FAT1: variants seen among roughly 807,000 people sequenced by gnomAD.
The protein encoded by FAT1 is FAT atypical cadherin 1, also known as protocadherin Fat 1.
Under a neutral mutation model 329.8 loss-of-function variants are expected in FAT1, and 171 were observed. The observed-to-expected ratio is 0.52, with a 90% CI of 0.46 to 0.59. FAT1 has a LOEUF of 0.59. Among genes scored for constraint, FAT1 ranks in the 20% least tolerant of loss-of-function variants. FAT1 has a pLI of 0.00. For synonymous variants in FAT1, 2,233 were observed against 2,228.6 expected (o/e 1.00, Z -0.06); for missense variants, 5,672 against 5,774.4 (o/e 0.98, Z 0.57).
At chr4:186,654,240 C>G (rs1015183159) in intron 3 of FAT1, among the ~76,000 whole-genome samples, 1 of 152,134 alleles carries the variant, frequency 6.6e-6, no homozygotes, top group African/African-American at 2.4e-5. Flanking sequence ...CTGTAGTCAC[C>G]ATCTCACAGG....
chr4:186,701,405 A>G (rs995724472), intron 2 of FAT1, among the ~76,000 whole-genome samples: 27 of 152,146 alleles, frequency 1.8e-4, no homozygotes, highest in African/African-American at 6.3e-4. Context: ...TTTTCTCTTA[A>G]GCTTTCCTAG....
rs1366348482 is a variant in FAT1 at position 186,596,633 on chromosome 4, T to A, written c.12907A>T (p.Ser4303Cys). The change falls in exon 25 of 27, where the codon AGC (serine) becomes TGC (cysteine). Residue 4303 changes from serine (S) to cysteine (C), a missense_variant. Ser to Cys is a moderately radical substitution (Grantham distance 112, BLOSUM62 -1). Coordinates refer to ENST00000441802, the MANE Select transcript of FAT1 (RefSeq NM_005245.4). This position sits in a 1 kb window ranked among gnomAD's most constrained non-coding sequence, Gnocchi z 4.7. ...HGHRKAVAVC[S>C]VAPNLPPPPP... ...GGGGGAGGCAGGTTTGGCGCCACGC[T>A]GCAGACCGCCACTGCTTTTCGGTGC... The A allele has an allele frequency of 6.2e-7, 1 of 1,610,728 alleles. No homozygotes were observed.
At chr4:186,651,112 TTAA>T (rs1439239841) in intron 3 of FAT1, among the ~76,000 whole-genome samples, 8 of 148,066 alleles carry the variant, frequency 5.4e-5, no homozygotes, top group South Asian at 2.1e-4. Flanking sequence ...TATTCATAAA[TTAA>T]TAATTAACAA....
chr4:186,721,501 C>T (rs1008990787), intron 1 of FAT1, among the ~76,000 whole-genome samples: 7 of 152,360 alleles, frequency 4.6e-5, no homozygotes, highest in Admixed American at 1.3e-4. Flanking sequence ...AATTATCTAG[C>T]GCAAATCCCA....
chr4:186,626,961 A>G (rs1485893227), intron 9 of FAT1, among the ~76,000 whole-genome samples: 1 of 100,976 alleles, frequency 9.9e-6, no homozygotes, highest in Non-Finnish European at 1.9e-5. Flanking sequence ...TGAATGAATG[A>G]GGGACCAACA....
At chr4:186,722,154 T>C (rs1745496102) in intron 1 of FAT1, among the ~76,000 whole-genome samples, 1 of 152,208 alleles carries the variant, frequency 6.6e-6, no homozygotes, top group African/African-American at 2.4e-5. Context: ...TTTAAACATT[T>C]TTCTGTTGGC....
At position 186,588,634 on chromosome 4, in the gene FAT1, C is replaced by T. The variant is rs1257195041; in HGVS notation, c.13725G>A (p.Val4575=). The change falls in exon 27 of 27, where the codon GTG becomes GTA. Residue 4575 remains valine, a synonymous_variant. Transcript: ENST00000441802. ...GCTGGGAATCCAGGGGCGGGATCGT[C>T]ACCTCTTCGAAGTGGCCGTCGTCCC... The part of the protein sequence containing the change: ...ESGDDGHFEE[V]TIPPLDSQQH... The T allele has an allele frequency of 6.2e-7, 1 of 1,613,706 alleles. No homozygotes were observed. The highest frequency in any genetic ancestry group is 1.7e-5 in the Admixed American group (1 of 60,020).
At chr4:186,676,616 G>A (rs1742968808) in intron 2 of FAT1, among the ~76,000 whole-genome samples, 1 of 152,192 alleles carries the variant, frequency 6.6e-6, no homozygotes, top group African/African-American at 2.4e-5. Context: ...TGATTAAAAT[G>A]TCAGTTGAAA....
chr4:186,706,413 C>T, intron 2 of FAT1, 150 bp downstream of exon 2: 1 of 770,570 alleles, frequency 1.3e-6, no homozygotes, highest in Non-Finnish European at 2.1e-6. Context: ...TACAATACAG[C>T]AGCCGGGCCA....
chr4:186,642,607 G>A (rs1741154504), intron 3 of FAT1, among the ~76,000 whole-genome samples: 1 of 152,212 alleles, frequency 6.6e-6, no homozygotes, highest in African/African-American at 2.4e-5. Context: ...TTTATAGGCA[G>A]CGTGTGCCAG....
In FAT1 at chr4:186,619,606, C is replaced by T. The variant is rs1162417164; in HGVS notation, c.6980G>A (p.Ser2327Asn). 1 of 1,613,928 alleles carries T rather than the reference C, an allele frequency of 6.2e-7. No homozygotes were observed. The change falls in exon 10 of 27, where the codon AGC (serine) becomes AAC (asparagine). Residue 2327 changes from serine (S) to asparagine (N), a missense_variant. Physicochemically the swap from Ser to Asn is conservative, Grantham distance 46. Around this residue, in one of 2 missense-constraint regions of FAT1, gnomAD observed 3,966 missense variants for 3,915.2 expected, o/e 1.01. Transcript: ENST00000441802. ...TACATGAAAATGATCATGACTCTTG[C>T]TGTGATTCCCAAACATCTGGTATGA... ...GISYQMFGNH[S>N]KSHDHFHVDS...
At chr4:186,667,808 G>A (rs1488065062) in intron 2 of FAT1, among the ~76,000 whole-genome samples, 1 of 152,214 alleles carries the variant, frequency 6.6e-6, no homozygotes, top group African/African-American at 2.4e-5. Flanking sequence ...TTAAGCCCTG[G>A]AGTGATGAGG....
intron 2 of FAT1, among the ~76,000 whole-genome samples, chr4:186,677,452 T>G (rs1743010339): frequency 6.6e-6 from 1 of 152,036 alleles, no homozygotes; most frequent in Non-Finnish European, 1.5e-5. Context: ...AATTTGTAAA[T>G]GCATATTAAT....
intron 2 of FAT1, among the ~76,000 whole-genome samples, chr4:186,676,022 A>G (rs1275772061): frequency 6.6e-6 from 1 of 152,190 alleles, no homozygotes; most frequent in Non-Finnish European, 1.5e-5. Flanking sequence ...ATGAGGTCCT[A>G]TGAGAAGACA....
intron 3 of FAT1, among the ~76,000 whole-genome samples, chr4:186,645,958 A>T (rs1445282088): frequency 2.8e-4 from 32 of 115,820 alleles, no homozygotes; most frequent in Non-Finnish European, 4.0e-4. Context: ...AAAAAAAAAA[A>T]AAAAATATAT....
At chr4:186,590,424 A>T (rs775790948) in intron 26 of FAT1, 2 of 1,288,510 alleles carry the variant, frequency 1.6e-6, no homozygotes, top group South Asian at 2.5e-5. Flanking sequence ...CAGAGTAGAA[A>T]AAAAAGAAAA....
At chr4:186,639,180 C>T (rs1226582866) in intron 4 of FAT1, among the ~76,000 whole-genome samples, 1 of 152,186 alleles carries the variant, frequency 6.6e-6, no homozygotes. Context: ...TCTGAGACTT[C>T]AATCTACTTT....
rs1251782007 is a variant in FAT1, at chr4:186,602,775, C to T, written c.11482+128G>A. 3 of 1,045,934 alleles carry T rather than the reference C, an allele frequency of 2.9e-6. No homozygotes were observed. The African/African-American group carries it at 4.8e-5, about 17-fold the overall frequency. The allele number at this position is 1,045,934 out of a possible 1,614,324, so 64.8% of individuals were successfully genotyped here. A position where few individuals can be genotyped will look rare whatever the true frequency, so the allele number is the denominator to read the frequency against. On this transcript the variant is annotated intron_variant, in intron 20 of 26. Coordinates refer to ENST00000441802, the MANE Select transcript of FAT1 (RefSeq NM_005245.4). The stretch of plus-strand genomic sequence containing the variant: ...CTTACTACTGTCATTCTTTATTCAT[C>T]TCCACATCTGTCTTCTTACAATAAA...
At chr4:186,622,971 C>A (rs1227502146) in intron 9 of FAT1, among the ~76,000 whole-genome samples, 2 of 152,390 alleles carry the variant, frequency 1.3e-5, no homozygotes, top group Admixed American at 6.5e-5. Flanking sequence ...GTGTGAGCTG[C>A]ACACCAGGGA....
Sources: allele counts gnomAD v4.1 joint callset (sites outside exome capture counted in the v4.1 genomes callset), GRCh38; gene constraint gnomAD v4.1.1; regional missense constraint gnomAD v4.1.1; non-coding constraint Gnocchi (gnomAD v3.1); transcripts MANE v1.5; gene names NCBI Gene and HGNC (gene_info 2026-07-23, HGNC 2026-07-21).